SMURF1: variants seen among roughly 807,000 people sequenced by gnomAD.
SMURF1 encodes SMAD specific E3 ubiquitin protein ligase 1.
A neutral mutation model predicts 98.0 loss-of-function variants in SMURF1; 44 were observed. The observed-to-expected ratio is 0.45, with a 90% confidence interval of 0.35 to 0.58. The LOEUF (loss-of-function observed/expected upper bound fraction) is 0.58, where lower values mean the gene tolerates loss of function less well. Among genes scored for constraint, SMURF1 ranks in the 20% least tolerant of loss-of-function variants. The probability of loss-of-function intolerance (pLI) is 0.00; values close to 1 mark genes in which losing one functional copy is unlikely to be tolerated. For synonymous variants in SMURF1, 396 were observed against 374.9 expected (o/e 1.06, Z -0.65); for missense variants, 687 against 938.4 (o/e 0.73, Z 3.50).
chr7:99,041,681 G>A (rs1795391531), intron 12 of SMURF1, among the ~76,000 whole-genome samples: 2 of 152,210 alleles, frequency 1.3e-5, no homozygotes, highest in South Asian at 4.1e-4. Flanking sequence ...TGCAAACACT[G>A]CACTGACTTC....
chr7:99,122,505 G>A (rs1797657420), intron 1 of SMURF1, among the ~76,000 whole-genome samples: 1 of 151,492 alleles, frequency 6.6e-6, no homozygotes, highest in Non-Finnish European at 1.5e-5. Context: ...TTAGCCAGGT[G>A]TGGTGGCGGG....
chr7:99,075,505 G>A (rs1239859310), intron 1 of SMURF1, among the ~76,000 whole-genome samples: 1 of 152,180 alleles, frequency 6.6e-6, no homozygotes, highest in East Asian at 1.9e-4. Flanking sequence ...CATGGATAAG[G>A]TAGGAGTAGT....
chr7:99,138,136 TA>T (rs985559406), intron 1 of SMURF1, among the ~76,000 whole-genome samples: 10 of 151,668 alleles, frequency 6.6e-5, no homozygotes, highest in South Asian at 2.1e-4. Context: ...ATTCCTTGTT[TA>T]AAAAAAAATT....
intron 1 of SMURF1, among the ~76,000 whole-genome samples, chr7:99,087,327 A>G (rs964769436): frequency 6.6e-6 from 1 of 152,212 alleles, no homozygotes; most frequent in Admixed American, 6.5e-5. Flanking sequence ...CAAAGCTTCA[A>G]TAAGCTATGA....
intron 1 of SMURF1, among the ~76,000 whole-genome samples, chr7:99,117,283 T>A (rs1797479185): frequency 6.6e-6 from 1 of 152,072 alleles, no homozygotes; most frequent in African/African-American, 2.4e-5. Context: ...GGTAAATTAG[T>A]TATGACTTTG....
chr7:99,063,244 TATATATATATATA>T (rs1796086712), intron 1 of SMURF1, among the ~76,000 whole-genome samples: 178 of 14,498 alleles, frequency 0.012, 10 homozygotes, highest in Admixed American at 0.036. Flanking sequence ...GATTTATTTA[TATATATATATATA>T]TATATATATA....
intron 1 of SMURF1, among the ~76,000 whole-genome samples, chr7:99,131,616 T>A (rs544345332): frequency 3.3e-5 from 5 of 152,062 alleles, no homozygotes; most frequent in Non-Finnish European, 5.9e-5. Context: ...TGGTGGCTCA[T>A]GCTGAGGTGG....
chr7:99,090,295 A>G (rs1033032589), intron 1 of SMURF1, among the ~76,000 whole-genome samples: 1 of 152,216 alleles, frequency 6.6e-6, no homozygotes, highest in Non-Finnish European at 1.5e-5. Context: ...GATCCTCTAC[A>G]GATTGACCAT....
chr7:99,136,434 A>G (rs1797994463), intron 1 of SMURF1, among the ~76,000 whole-genome samples: 1 of 152,082 alleles, frequency 6.6e-6, no homozygotes, highest in East Asian at 1.9e-4. Context: ...ATTTTTTGCC[A>G]TGGAGAAATT....
intron 1 of SMURF1, among the ~76,000 whole-genome samples, chr7:99,110,385 C>T (rs535119325): frequency 9.8e-5 from 15 of 152,290 alleles, no homozygotes; most frequent in Admixed American, 4.6e-4. Flanking sequence ...GAATTTAACA[C>T]AATCCTGTGA....
chr7:99,137,771 C>T lies in SMURF1; in HGVS notation c.55+5955G>A, dbSNP rs61153190. Among the ~76,000 whole-genome samples the T allele has an allele frequency of 2.9e-3, 442 of 152,352 alleles. 2 individuals are homozygous for T. The highest frequency in any genetic ancestry group is 0.01 in the African/African-American group (420 of 41,588). On this transcript the variant is annotated intron_variant, in intron 1 of 17. Coordinates refer to ENST00000361368, the MANE Select transcript of SMURF1 (RefSeq NM_181349.3). ...CGCGCTGATTATACATTATTTAAGC[C>T]TTGTTTTAAAACAATATGAGGGTGT...
At chr7:99,039,296 C>G (rs1195537391) in intron 13 of SMURF1, among the ~76,000 whole-genome samples, 2 of 151,572 alleles carry the variant, frequency 1.3e-5, no homozygotes, top group Non-Finnish European at 2.9e-5. Context: ...TGAAAACTAG[C>G]TCTTGAATCT....
chr7:99,141,913 T>C (rs911777064), intron 1 of SMURF1, among the ~76,000 whole-genome samples: 1 of 152,216 alleles, frequency 6.6e-6, no homozygotes, highest in South Asian at 2.1e-4. Flanking sequence ...GGAAAATCCC[T>C]GACGGGGATT....
intron 1 of SMURF1, among the ~76,000 whole-genome samples, chr7:99,128,617 A>G (rs1172948911): frequency 6.6e-6 from 1 of 152,230 alleles, no homozygotes; most frequent in Non-Finnish European, 1.5e-5. Flanking sequence ...CCCTGTCCAC[A>G]TTTAAATTTT....
chr7:99,061,662 A>G (rs1584469545), intron 2 of SMURF1, 137 bp downstream of exon 2: 1 of 555,766 alleles, frequency 1.8e-6, no homozygotes, highest in Non-Finnish European at 3.1e-6. Context: ...CGGGAAATAA[A>G]GCTTGGAGAA....
chr7:99,076,120 G>C (rs1457887305), intron 1 of SMURF1, among the ~76,000 whole-genome samples: 2 of 152,154 alleles, frequency 1.3e-5, no homozygotes, highest in African/African-American at 4.8e-5. Flanking sequence ...TGCCCAGCCT[G>C]GTCTCAAATC....
chr7:99,074,667 A>G (rs1584148766), intron 1 of SMURF1, among the ~76,000 whole-genome samples: 2 of 152,262 alleles, frequency 1.3e-5, no homozygotes, highest in South Asian at 4.1e-4. Flanking sequence ...CATATGACCA[A>G]CAAAAGACCT....
chr7:99,033,080 G>T lies in SMURF1; in HGVS notation c.2053C>A (p.Leu685Met). 6.3e-7 allele frequency: 1 copy of T among 1,592,088 alleles called. No homozygotes were observed. The highest frequency in any genetic ancestry group is 8.6e-7 in the Non-Finnish European group (1 of 1,168,546). Residue 685 changes from leucine (L) to methionine (M), a missense_variant, in exon 17 of 18, where the codon CTG (leucine) becomes ATG (methionine). Leu to Met is a conservative substitution (Grantham distance 15). Transcript: ENST00000361368. Reference sequence around the variant, plus strand: ...AGGTTGTCTGTGTTCGCGTCTATCAGGTGGATGGTGAACAGCCGGGGCCCT... The same window carrying T: ...AGGTTGTCTGTGTTCGCGTCTATCATGTGGATGGTGAACAGCCGGGGCCCT... ...AAGPRLFTIHLIDANTDNLPK... is the reference protein window; with the variant it reads ...AAGPRLFTIHMIDANTDNLPK...
intron 1 of SMURF1, among the ~76,000 whole-genome samples, chr7:99,062,879 A>G (rs1268960854): frequency 1.3e-5 from 2 of 152,146 alleles, no homozygotes; most frequent in South Asian, 2.1e-4. Context: ...GTGTTGATGT[A>G]TAGAAAGAAT....
Sources: allele counts gnomAD v4.1 joint callset (sites outside exome capture counted in the v4.1 genomes callset), GRCh38; gene constraint gnomAD v4.1.1; transcripts MANE v1.5; gene names NCBI Gene and HGNC (gene_info 2026-07-23, HGNC 2026-07-21).